DGKB: variants seen among roughly 807,000 people sequenced by gnomAD.
The protein encoded by DGKB is diacylglycerol kinase beta.
A neutral mutation model predicts 114.3 loss-of-function variants in DGKB; 67 were observed. The observed-to-expected ratio is 0.59, with a 90% CI of 0.48 to 0.72. The LOEUF is 0.72. Among genes scored for constraint, DGKB ranks in the 30% least tolerant of loss-of-function variants. The pLI is 0.00. For synonymous variants in DGKB, 398 were observed against 323.1 expected (o/e 1.23, Z -2.49); for missense variants, 907 against 975.2 (o/e 0.93, Z 0.93).
intron 23 of DGKB, among the ~76,000 whole-genome samples, chr7:14,213,396 T>C (rs188831558): frequency 4.6e-5 from 7 of 152,232 alleles, no homozygotes; most frequent in Admixed American, 3.9e-4. Context: ...TCCCAAGTGG[T>C]ACTGGGAGAA....
chr7:14,663,498 A>G (rs989828360), intron 13 of DGKB, among the ~76,000 whole-genome samples: 6 of 151,988 alleles, frequency 3.9e-5, no homozygotes, highest in African/African-American at 1.4e-4. Flanking sequence ...CCCACAGATC[A>G]GGAGTTCATG....
rs372610223 is a variant in DGKB, at chr7:14,220,387, C to G, written c.2123-42236G>C. Among the ~76,000 whole-genome samples the G allele has an allele frequency of 4.0e-5, 6 of 151,256 alleles. No individual in the cohort carries two copies. The South Asian group carries it at 1.2e-3, about 31-fold the overall frequency. The stretch of plus-strand genomic sequence containing the variant: ...CATTTTTTGTTGAAGACTATTGTCT[C>G]CATTAAATGGTCTTGGCACTCTTAT... On this transcript the variant is annotated intron_variant, in intron 23 of 25. Transcript: ENST00000402815.
chr7:14,824,656 A>G (rs979894774), intron 2 of DGKB, among the ~76,000 whole-genome samples: 3 of 152,070 alleles, frequency 2.0e-5, no homozygotes, highest in Admixed American at 6.6e-5. Context: ...ACGTCACAAC[A>G]TATTTTCTGA....
At chr7:14,794,919 G>A (rs1407853805) in intron 2 of DGKB, among the ~76,000 whole-genome samples, 4 of 152,040 alleles carry the variant, frequency 2.6e-5, no homozygotes, top group African/African-American at 9.7e-5. Context: ...TAGTGGTACT[G>A]GCATCTCTGC....
intron 13 of DGKB, among the ~76,000 whole-genome samples, chr7:14,640,856 G>A (rs950412998): frequency 3.9e-5 from 6 of 152,116 alleles, no homozygotes; most frequent in African/African-American, 1.4e-4. Context: ...ACCTTTGCAA[G>A]GTGGAATTTA....
At chr7:14,951,133 A>G (rs776605339) in intron 1 of DGKB, among the ~76,000 whole-genome samples, 30 of 152,086 alleles carry the variant, frequency 2.0e-4, no homozygotes, top group Admixed American at 3.3e-4. Flanking sequence ...TAAATTCCAC[A>G]GCTAACATCC....
chr7:14,297,633 G>T lies in DGKB; in HGVS notation c.2122+40882C>A, dbSNP rs185510206. On this transcript the variant is annotated intron_variant, in intron 23 of 25. Transcript: ENST00000402815. ...GGCAAAATCTGGAAGCATTCTCTTT[G>T]AAAACTGGTGCAAGACAAGGATGCC... 4.1e-3 allele frequency among the ~76,000 whole-genome samples: 622 copies of T among 152,248 alleles called. 2 individuals are homozygous for T. Among genetic ancestry groups the T allele is most frequent in the African/African-American group, 0.014 (601 of 41,536 alleles).
At chr7:14,895,046 A>G (rs1223637803) in intron 1 of DGKB, among the ~76,000 whole-genome samples, 1 of 151,574 alleles carries the variant, frequency 6.6e-6, no homozygotes, top group African/African-American at 2.4e-5. Context: ...CTGTTTTTCT[A>G]TGTGGGACAA....
intron 18 of DGKB, among the ~76,000 whole-genome samples, chr7:14,582,495 T>C (rs1800085310): frequency 6.6e-6 from 1 of 152,196 alleles, no homozygotes; most frequent in African/African-American, 2.4e-5. Flanking sequence ...AAGACTTTGT[T>C]GTAGTTATTT....
At chr7:14,965,667 G>T (rs1787107706) in intron 1 of DGKB, among the ~76,000 whole-genome samples, 1 of 151,976 alleles carries the variant, frequency 6.6e-6, no homozygotes, top group African/African-American at 2.4e-5. Context: ...AAATGAAATA[G>T]AACTGAGTGA....
At chr7:14,747,891 G>C (rs1019241310) in intron 4 of DGKB, among the ~76,000 whole-genome samples, 2 of 152,070 alleles carry the variant, frequency 1.3e-5, no homozygotes, top group African/African-American at 4.8e-5. Context: ...AATTTGTAAA[G>C]AAGACTGACT....
At chr7:14,485,300 G>GGTGTGTGT (rs60976022) in intron 20 of DGKB, among the ~76,000 whole-genome samples, 1,881 of 141,932 alleles carry the variant, frequency 0.013, 66 homozygotes, top group Admixed American at 0.078. Context: ...ATGCTCATGA[G>GGTGTGTGT]GTGTGTGTGT....
At chr7:14,210,097 A>G (rs1787513496) in intron 23 of DGKB, among the ~76,000 whole-genome samples, 1 of 152,050 alleles carries the variant, frequency 6.6e-6, no homozygotes, top group African/African-American at 2.4e-5. Flanking sequence ...GGCATGGCTA[A>G]CACCTCCAGT....
At chr7:14,522,326 G>A (rs760293025) in intron 20 of DGKB, among the ~76,000 whole-genome samples, 39 of 152,108 alleles carry the variant, frequency 2.6e-4, no homozygotes, top group Non-Finnish European at 4.3e-4. Context: ...TGTTGTTCAT[G>A]CACATAAACT....
chr7:14,389,593 T>G (rs1820996705), intron 21 of DGKB, among the ~76,000 whole-genome samples: 1 of 152,228 alleles, frequency 6.6e-6, no homozygotes, highest in Non-Finnish European at 1.5e-5. Flanking sequence ...TGAAGATATT[T>G]ACAAGTTGCT....
chr7:14,497,416 C>T (rs1785468329), intron 20 of DGKB, among the ~76,000 whole-genome samples: 1 of 151,730 alleles, frequency 6.6e-6, no homozygotes, highest in African/African-American at 2.4e-5. Context: ...CAGTAGCCCT[C>T]TATATTGAGA....
chr7:14,208,057 G>A (rs1787122501), intron 23 of DGKB, among the ~76,000 whole-genome samples: 1 of 152,018 alleles, frequency 6.6e-6, no homozygotes, highest in African/African-American at 2.4e-5. Context: ...TTTTATATGA[G>A]TTCTGGGTCC....
chr7:14,785,765 G>C (rs1429025370), intron 2 of DGKB, among the ~76,000 whole-genome samples: 1 of 152,124 alleles, frequency 6.6e-6, no homozygotes, highest in East Asian at 1.9e-4. Flanking sequence ...AAAGCCATGA[G>C]AGCCATTATT....
chr7:14,761,666 T>C (rs940385351), intron 2 of DGKB, among the ~76,000 whole-genome samples: 49 of 152,146 alleles, frequency 3.2e-4, no homozygotes, highest in African/African-American at 1.2e-3. Flanking sequence ...CAGCTAATAA[T>C]AGAGCTTCGG....
Sources: allele counts gnomAD v4.1 joint callset (sites outside exome capture counted in the v4.1 genomes callset), GRCh38; gene constraint gnomAD v4.1.1; transcripts MANE v1.5; gene names NCBI Gene and HGNC (gene_info 2026-07-23, HGNC 2026-07-21).